Variants in ACAP3 observed in about 807,000 individuals in gnomAD.
The protein encoded by ACAP3 is arf-GAP with coiled-coil, ANK repeat and PH domain-containing protein 3.
ACAP3 carries 56 observed loss-of-function variants against 104.1 expected under a neutral mutation model. The observed-to-expected ratio is 0.54, with a 90% CI of 0.43 to 0.67. ACAP3 has a LOEUF of 0.67. Among genes scored for constraint, ACAP3 ranks in the 30% least tolerant of loss-of-function variants. The pLI, the probability that ACAP3 is intolerant of heterozygous loss-of-function variation, is 0.00. For missense variants in ACAP3, 1,208 were observed against 1,174.9 expected, an observed-to-expected ratio of 1.03 and a Z score of -0.41; for synonymous variants, 628 against 496.2, an observed-to-expected ratio of 1.27 and a Z score of -3.53.
At position 1,301,756 on chromosome 1, in the gene ACAP3, C is replaced by T. The variant is rs112234217; in HGVS notation, c.338+232G>A. 2.9e-4 allele frequency: 111 copies of T among 382,434 alleles called. 1 individual carries two copies. Among genetic ancestry groups the T allele is most frequent in the Middle Eastern group, 1.3e-3 (2 of 1,496 alleles). 23.7% of individuals were successfully genotyped at this position (382,434 alleles called of 1,614,324 possible). On this transcript the variant is annotated intron_variant, in intron 5 of 23. Transcript: ENST00000354700. ...CCAGACTCCAGACCCCCAAACCCAACGTGGACTGGACCTCTCTGCTGTGGG... is the reference window on the plus strand; with the variant it reads ...CCAGACTCCAGACCCCCAAACCCAATGTGGACTGGACCTCTCTGCTGTGGG...
chr1:1,302,449 G>A (rs11586188), intron 4 of ACAP3, among the ~76,000 whole-genome samples: 3,104 of 152,272 alleles, frequency 0.02, 55 homozygotes, highest in Non-Finnish European at 0.033. Flanking sequence ...ATCGGAACCC[G>A]AAGTAGAGAA....
chr1:1,302,879 C>T (rs774800209), intron 4 of ACAP3, 43 bp downstream of exon 4: 29 of 1,578,942 alleles, frequency 1.8e-5, no homozygotes, highest in East Asian at 1.6e-4. Context: ...AGCTCGGTTC[C>T]AGGCCAGGCA....
chr1:1,295,080 A>AC (rs1316675075), intron 19 of ACAP3: 1 of 554,904 alleles, frequency 1.8e-6, no homozygotes, highest in Non-Finnish European at 3.2e-6. Flanking sequence ...CTTACCCGGC[A>AC]CCCCCCGCAG....
intron 1 of ACAP3, chr1:1,307,172 T>C (rs1259371181): frequency 7.8e-7 from 1 of 1,283,440 alleles, no homozygotes; most frequent in Admixed American, 2.3e-5. Context: ...AACATGTAGT[T>C]CACGCAGGTG....
chr1:1,293,404 T>C lies in ACAP3; in HGVS notation c.*160A>G. On this transcript the variant is annotated 3_prime_UTR_variant, in exon 24 of 24. Coordinates refer to ENST00000354700, the MANE Select transcript of ACAP3 (RefSeq NM_030649.3). ...AAGAGACTCAGTGTGGGGCCCTCGC[T>C]CTCCTCCTGGGCGAGCAGGGCCGCG... The C allele has an allele frequency of 1.5e-6, 1 of 682,480 alleles. No homozygotes were observed. Among genetic ancestry groups the C allele is most frequent in the Non-Finnish European group, 2.0e-6 (1 of 494,086 alleles). The allele number at this position is 682,480 out of a possible 1,614,324, so 42.3% of individuals were successfully genotyped here.
chr1:1,298,029 C>A lies in ACAP3; in HGVS notation c.1000G>T (p.Val334Leu). 1.9e-6 allele frequency: 3 copies of A among 1,611,912 alleles called. No homozygotes were observed. Among genetic ancestry groups the A allele is most frequent in the South Asian group, 1.1e-5 (1 of 90,970 alleles). The stretch of plus-strand genomic sequence containing the variant: ...CCTCCTCACTTGGTGGGTGACAGCA[C>A]CTCGAAGCAGAACCTCCGCTCGATG... ...EDIERRFCFE[V>L]LSPTKSCMLQ... The change falls in exon 13 of 24, where the codon GTG becomes TTG. Residue 334 changes from valine to leucine, a missense_variant. Coordinates refer to ENST00000354700, the MANE Select transcript of ACAP3 (RefSeq NM_030649.3).
At chr1:1,297,274 C>T (rs1158208119) in intron 14 of ACAP3, among the ~76,000 whole-genome samples, 1 of 51,416 alleles carries the variant, frequency 1.9e-5, no homozygotes, top group Admixed American at 1.4e-4. Context: ...GGGCCATCCC[C>T]GGTGGCACGT....
In ACAP3 at chr1:1,294,986, A is replaced by G. The variant is rs2100401106; in HGVS notation, c.1814-170T>C. ...GCTGCAGGCTAGGAGCAAAGGAGAG[A>G]AAACCAAATAACAGCTCAAAGGTGC... On this transcript the variant is annotated intron_variant, in intron 19 of 23. Transcript: ENST00000354700. 3 of 634,990 alleles carry G rather than the reference A, an allele frequency of 4.7e-6. No homozygotes were observed. In the South Asian group the frequency reaches 6.0e-5, roughly 13 times the overall value. 39.3% of individuals were successfully genotyped at this position (634,990 alleles called of 1,614,324 possible).
Position 1,300,514 on chromosome 1 carries a change from G to A in ACAP3, c.517C>T (p.Leu173Phe), listed in dbSNP as rs1641397851. The A allele has an allele frequency of 1.9e-6, 3 of 1,609,290 alleles. No individual in the cohort carries two copies. Among genetic ancestry groups the A allele is most frequent in the South Asian group, 1.1e-5 (1 of 90,684 alleles). ...CFRHLALDYV[L>F]QINVLQAKKK... is the part of the protein sequence containing the mutation. ...AGCCCATTTCTGGGGCTGACCTGGA[G>A]CACATAGTCCAGTGCCAGGTGGCGG... Residue 173 changes from leucine to phenylalanine, a missense_variant, in exon 6 of 24, where the codon CTC (leucine) becomes TTC (phenylalanine). Leu to Phe is a conservative substitution (Grantham distance 22). Coordinates refer to ENST00000354700, the MANE Select transcript of ACAP3 (RefSeq NM_030649.3).
Position 1,295,811 on chromosome 1 carries a change from A to G in ACAP3, c.1630T>C (p.Ser544Pro), listed in dbSNP as rs756957751. 6.2e-7 allele frequency: 1 copy of G among 1,610,234 alleles called. No individual in the cohort carries two copies. The highest frequency in any genetic ancestry group is 8.5e-7 in the Non-Finnish European group (1 of 1,179,854). ...CGGCGGGCAGTGGGAGCGCGGGGAG[A>G]GCTGTGGGGCCGCAGGCACTTCTGC... ...RVQKCLRPHS[S>P]PRAPTARRKV... Residue 544 changes from serine (S) to proline (P), a missense_variant, in exon 18 of 24, where the codon TCT becomes CCT. By Grantham distance (74) the Ser-to-Pro change is moderately conservative. Transcript: ENST00000354700.
rs1305255082 is a variant in ACAP3, at chr1:1,297,600, C to T, written c.1128+222G>A. Among the ~76,000 whole-genome samples the T allele has an allele frequency of 2.5e-4, 10 of 40,072 alleles. 2 individuals are homozygous for T. The African/African-American group carries it at 5.9e-3, about 24-fold the overall frequency. The allele number at this position is 40,072 out of a possible 152,430, so 26.3% of individuals were successfully genotyped here. A position where few individuals can be genotyped will look rare whatever the true frequency, so the allele number is the denominator to read the frequency against. On this transcript the variant is annotated intron_variant, in intron 14 of 23. Coordinates refer to ENST00000354700, the MANE Select transcript of ACAP3 (RefSeq NM_030649.3). ...GGGGCAGGGGCCATCCCCGGTGGCA[C>T]GTGTGTGTGTGCACAGGCACGGGGC...
In ACAP3 at chr1:1,292,655, C is replaced by T. The variant is rs1640886375; in HGVS notation, c.*909G>A. The T allele has an allele frequency of 1.3e-5, 2 of 152,314 alleles. No individual in the cohort carries two copies. Among genetic ancestry groups the T allele is most frequent in the African/African-American group, 2.4e-5 (1 of 41,456 alleles). 9.4% of individuals were successfully genotyped at this position (152,314 alleles called of 1,614,324 possible). ...GCGCTGAGTGGGGGAGGCCCTGCCT[C>T]CCTGCCGGGCACCTTTGGGGAAGGG... On this transcript the variant is annotated 3_prime_UTR_variant, in exon 24 of 24. Transcript: ENST00000354700.
intron 21 of ACAP3, 73 bp downstream of exon 21, chr1:1,294,329 G>GT: frequency 6.6e-7 from 1 of 1,517,710 alleles, no homozygotes; most frequent in Middle Eastern, 1.7e-4. Context: ...GGCGACCCTT[G>GT]TGTGGGCGCC....
chr1:1,294,520 C>A lies in ACAP3; in HGVS notation c.2021G>T (p.Arg674Leu). The A allele has an allele frequency of 6.6e-7, 1 of 1,504,990 alleles. No homozygotes were observed. Among genetic ancestry groups the A allele is most frequent in the Non-Finnish European group, 8.8e-7 (1 of 1,136,424 alleles). 93.2% of individuals were successfully genotyped at this position (1,504,990 alleles called of 1,614,324 possible). A position where few individuals can be genotyped will look rare whatever the true frequency, so the allele number is the denominator to read the frequency against. ...RELHPGLLAHRAARARDLPAL... is the reference protein window; with the variant it reads ...RELHPGLLAHLAARARDLPAL... ...AGGAAGGTCGCGGGCACGCGCTGCG[C>A]GGTGCGCCAAGAGCCCCGGGTGCAG... is the stretch of plus-strand genomic sequence containing the variant. Residue 674 changes from arginine to leucine, a missense_variant, in exon 21 of 24, where the codon CGC becomes CTC. Physicochemically the swap from Arg to Leu is moderately radical, Grantham distance 102 (BLOSUM62 -2). Coordinates refer to ENST00000354700, the MANE Select transcript of ACAP3 (RefSeq NM_030649.3).
At position 1,293,266 on chromosome 1, in the gene ACAP3, G is replaced by C. The variant is rs1050384821; in HGVS notation, c.*298C>G. 4.5e-6 allele frequency: 1 copy of C among 220,844 alleles called. No individual in the cohort carries two copies. Among genetic ancestry groups the C allele is most frequent in the African/African-American group, 2.3e-5 (1 of 42,916 alleles). 13.7% of individuals were successfully genotyped at this position (220,844 alleles called of 1,614,324 possible). Reference sequence around the variant, plus strand: ...GTGACACGGGCCTTAAAAGTGGCTTGTGACATGAGCAACCCAGGCCCCTGA... The same window carrying C: ...GTGACACGGGCCTTAAAAGTGGCTTCTGACATGAGCAACCCAGGCCCCTGA... On this transcript the variant is annotated 3_prime_UTR_variant, in exon 24 of 24. Coordinates refer to ENST00000354700, the MANE Select transcript of ACAP3 (RefSeq NM_030649.3).
In ACAP3 at chr1:1,307,796, T is replaced by C; in HGVS notation, c.20A>G (p.Glu7Gly). 2.8e-6 allele frequency: 3 copies of C among 1,078,652 alleles called. No individual in the cohort carries two copies. The highest frequency in any genetic ancestry group is 3.4e-6 in the Non-Finnish European group (3 of 890,284). The allele number at this position is 1,078,652 out of a possible 1,614,324, so 66.8% of individuals were successfully genotyped here. The change falls in exon 1 of 24, where the codon GAG (glutamate) becomes GGG (glycine). Residue 7 changes from glutamate to glycine, a missense_variant. Glu to Gly is a moderately conservative substitution (Grantham distance 98, BLOSUM62 -2). Coordinates refer to ENST00000354700, the MANE Select transcript of ACAP3 (RefSeq NM_030649.3). MTVEFE[E>G]CVKDSPRFRA... The stretch of plus-strand genomic sequence containing the variant: ...GAAGCGCGGGGAGTCCTTGACGCAC[T>C]CCTCGAACTCCACGGTCATGGCTGC...
chr1:1,304,209 C>T, intron 1 of ACAP3, 66 bp from the exon 2 acceptor site: 1 of 1,536,548 alleles, frequency 6.5e-7, no homozygotes, highest in Non-Finnish European at 8.8e-7. Flanking sequence ...TTCACCTCCC[C>T]CCGCACCTCC....
Position 1,297,870 on chromosome 1 carries a change from GGCCTGCACA to G in ACAP3, c.1071_1079del (p.Val358_Ala360del). The G allele has an allele frequency of 6.2e-7, 1 of 1,612,066 alleles. No individual in the cohort carries two copies. Among genetic ancestry groups the G allele is most frequent in the Non-Finnish European group, 8.5e-7 (1 of 1,179,544 alleles). On this transcript the variant is annotated inframe_deletion, in exon 14 of 24. Coordinates refer to ENST00000354700, the MANE Select transcript of ACAP3 (RefSeq NM_030649.3). ...TCTCGCGGTAGGCGGAGGCGATGCT[GGCCTGCACA>G]GCCTGGACCCAGGCTTGCCGCAGCT...
rs566285083 is a variant in ACAP3, at chr1:1,303,841, T to G, written c.105+245A>C. 2.0e-3 allele frequency: 1,175 copies of G among 577,210 alleles called. 5 individuals carry two copies. Among genetic ancestry groups the G allele is most frequent in the Non-Finnish European group, 2.9e-3 (929 of 325,258 alleles). The allele number at this position is 577,210 out of a possible 1,614,324, so 35.8% of individuals were successfully genotyped here. ...AGAGGGGACGGGCAGCCACCGTGGG[T>G]CGGGGACTCACCACAGCCCAGCCCC... On this transcript the variant is annotated intron_variant, in intron 2 of 23. Coordinates refer to ENST00000354700, the MANE Select transcript of ACAP3 (RefSeq NM_030649.3). This position sits in a 1 kb window ranked among gnomAD's most constrained non-coding sequence, Gnocchi z 4.0.
Sources: allele counts gnomAD v4.1 joint callset (sites outside exome capture counted in the v4.1 genomes callset), GRCh38; gene constraint gnomAD v4.1.1; non-coding constraint Gnocchi (gnomAD v3.1); transcripts MANE v1.5; gene names NCBI Gene and HGNC (gene_info 2026-07-23, HGNC 2026-07-21).